C2orf66: variants seen among roughly 807,000 people sequenced by gnomAD.
C2orf66 encodes chromosome 2 open reading frame 66.
In C2orf66, 6 loss-of-function variants were observed where a neutral mutation model predicts 7.0. The ratio of observed to expected loss-of-function variants is 0.86; its 90% CI spans 0.47 to 1.69. The LOEUF is 1.69. C2orf66 is among the 40% of genes most tolerant of loss of function. The pLI is 0.01. For synonymous variants in C2orf66, 38 were observed against 43.8 expected (o/e 0.87, Z 0.52); for missense variants, 107 against 112.0 (o/e 0.96, Z 0.20).
At chr2:196,830,897 GA>G in the C2orf66 span, among the ~76,000 whole-genome samples, 1 of 152,050 alleles carries the variant, frequency 6.6e-6, no homozygotes, top group Non-Finnish European at 1.5e-5. Context: ...TTTCTTCTTT[GA>G]GGGGGAACAA....
the C2orf66 span, among the ~76,000 whole-genome samples, chr2:196,819,237 C>T: frequency 6.6e-6 from 1 of 152,084 alleles, no homozygotes; most frequent in Non-Finnish European, 1.5e-5. Context: ...ATGATTGTGT[C>T]CCCCTGACCC....
At chr2:196,830,362 G>A in the C2orf66 span, among the ~76,000 whole-genome samples, 1 of 152,182 alleles carries the variant, frequency 6.6e-6, no homozygotes, top group South Asian at 2.1e-4. Context: ...TAGGCGCTCA[G>A]TGTGAGAAAC....
At chr2:196,827,292 T>G in the C2orf66 span, among the ~76,000 whole-genome samples, 1 of 145,434 alleles carries the variant, frequency 6.9e-6, no homozygotes, top group African/African-American at 2.5e-5. Context: ...CCCGACAACA[T>G]TGGGGGAAAA....
the C2orf66 span, among the ~76,000 whole-genome samples, chr2:196,827,492 T>C: frequency 6.6e-6 from 1 of 152,126 alleles, no homozygotes; most frequent in South Asian, 2.1e-4. Context: ...ACCCCAATCC[T>C]GTACACCACC....
chr2:196,805,516 T>G (rs1261736879), intron 2 of C2orf66, 108 bp from the exon 3 acceptor site: 1 of 152,142 alleles, frequency 6.6e-6, no homozygotes, highest in Non-Finnish European at 1.5e-5. Flanking sequence ...TTGTCTTCAT[T>G]TTCTCACCAG....
the C2orf66 span, among the ~76,000 whole-genome samples, chr2:196,817,696 C>T: frequency 6.6e-6 from 1 of 152,130 alleles, no homozygotes. Flanking sequence ...ATCTCAACTG[C>T]ATAAGACAGA....
chr2:196,811,285 G>C (rs1021719445), upstream of C2orf66, among the ~76,000 whole-genome samples: 3 of 152,228 alleles, frequency 2.0e-5, no homozygotes, highest in Non-Finnish European at 4.4e-5. Context: ...AAAGAAGCTT[G>C]ATCATACTTG....
chr2:196,828,230 T>TCACACACACA, the C2orf66 span, among the ~76,000 whole-genome samples: 259 of 125,150 alleles, frequency 2.1e-3, no homozygotes, highest in African/African-American at 4.8e-3. Context: ...TCTCTCTCTC[T>TCACACACACA]CACACACACA....
At chr2:196,809,388 T>G (rs1699850566), upstream of C2orf66, 1 of 1,608,304 alleles carries the variant, frequency 6.2e-7, no homozygotes, top group African/African-American at 1.3e-5. Context: ...CAATGATCAT[T>G]GAGAGAGATA....
At chr2:196,825,969 T>C in the C2orf66 span, among the ~76,000 whole-genome samples, 1 of 152,162 alleles carries the variant, frequency 6.6e-6, no homozygotes, top group Non-Finnish European at 1.5e-5. Context: ...TTATTAAATA[T>C]TTATTATGTT....
At chr2:196,828,000 T>C in the C2orf66 span, among the ~76,000 whole-genome samples, 917 of 152,272 alleles carry the variant, frequency 6.0e-3, 4 homozygotes, top group African/African-American at 0.021. Flanking sequence ...GAAACATTTT[T>C]CAAAGGTCAA....
upstream of C2orf66, chr2:196,809,416 G>A: frequency 1.3e-6 from 2 of 1,575,458 alleles, no homozygotes; most frequent in South Asian, 1.1e-5. Flanking sequence ...AAGAGAGAGA[G>A]AAAGAGGAAA....
chr2:196,811,786 G>A (rs1699879467), upstream of C2orf66, among the ~76,000 whole-genome samples: 1 of 152,164 alleles, frequency 6.6e-6, no homozygotes, highest in Non-Finnish European at 1.5e-5. Flanking sequence ...GATTACCTCA[G>A]TAAAGTTTAG....
the C2orf66 span, among the ~76,000 whole-genome samples, chr2:196,829,446 G>T: frequency 6.6e-6 from 1 of 151,910 alleles, no homozygotes; most frequent in African/African-American, 2.4e-5. Context: ...AAAAATAACC[G>T]GGCATGGTGG....
upstream of C2orf66, among the ~76,000 whole-genome samples, chr2:196,812,929 G>A (rs1039292556): frequency 1.3e-5 from 2 of 152,196 alleles, no homozygotes; most frequent in Non-Finnish European, 1.5e-5. Flanking sequence ...GGAAATAAGA[G>A]AGGACACAAA....
At chr2:196,821,672 C>T in the C2orf66 span, among the ~76,000 whole-genome samples, 2 of 152,082 alleles carry the variant, frequency 1.3e-5, no homozygotes, top group African/African-American at 2.4e-5. Context: ...TTCCATGAGT[C>T]ACATAATTTT....
the C2orf66 span, among the ~76,000 whole-genome samples, chr2:196,817,348 C>T: frequency 6.6e-6 from 1 of 151,036 alleles, no homozygotes; most frequent in African/African-American, 2.4e-5. Flanking sequence ...CATTCTCCTG[C>T]CTCAGCCTCC....
At chr2:196,822,374 C>A in the C2orf66 span, among the ~76,000 whole-genome samples, 1 of 152,098 alleles carries the variant, frequency 6.6e-6, no homozygotes, top group East Asian at 1.9e-4. Context: ...AATAAATAAG[C>A]AAACGTTTAT....
In C2orf66 at chr2:196,807,467, G is replaced by A. The variant is rs1366210738; in HGVS notation, c.279C>T (p.Ser93=). The change falls in exon 2 of 3, where the codon TCC becomes TCT. Residue 93 remains serine, a synonymous_variant. Coordinates refer to ENST00000342506, the MANE Select transcript of C2orf66 (RefSeq NM_213608.3). ...ASADYEEQKN[S]FHNYLKG ...TTCAGCCTTTGAGATAATTGTGAAA[G>A]GAGTTTTTCTGCTCTTCATAATCTG... 4.3e-6 allele frequency: 7 copies of A among 1,609,272 alleles called. No individual in the cohort carries two copies. The highest frequency in any genetic ancestry group is 1.7e-5 in the Admixed American group (1 of 58,702).
Sources: gnomAD v4.1 joint callset for allele counts (sites outside exome capture counted in the v4.1 genomes callset) on GRCh38, gnomAD v4.1.1 for gene constraint, MANE v1.5 for transcripts, NCBI Gene and HGNC (gene_info 2026-07-23, HGNC 2026-07-21) for gene names.